EEF1AKMT2: variants seen among roughly 807,000 people sequenced by gnomAD.
EEF1AKMT2 encodes eukaryotic translation elongation factor 1 alpha lysine methyltransferase 2.
EEF1AKMT2 carries 32 observed loss-of-function variants against 35.8 expected under a neutral mutation model. The ratio of observed to expected loss-of-function variants is 0.89; its 90% CI spans 0.67 to 1.20. The LOEUF (loss-of-function observed/expected upper bound fraction) is 1.20. Among genes scored for constraint, EEF1AKMT2 ranks in the 50% most tolerant of loss-of-function variants. The probability of loss-of-function intolerance (pLI) is 0.00; values close to 1 mark genes in which losing one functional copy is unlikely to be tolerated. For missense variants in EEF1AKMT2, 330 were observed against 347.5 expected, an observed-to-expected ratio of 0.95 and a Z score of 0.40; for synonymous variants, 121 against 133.7, an observed-to-expected ratio of 0.91 and a Z score of 0.65.
In EEF1AKMT2 at chr10:124,760,508, C is replaced by T; in HGVS notation, c.*-5G>A. 1.2e-6 allele frequency: 2 copies of T among 1,611,664 alleles called. No individual in the cohort carries two copies. Among genetic ancestry groups the T allele is most frequent in the Non-Finnish European group, 1.7e-6 (2 of 1,178,110 alleles). On this transcript the variant is annotated splice_region_variant and splice_polypyrimidine_tract_variant and intron_variant, in intron 6 of 6. Transcript: ENST00000368836. ...GCTCTTCGAGAAGTTCAAATCCTGT[C>T]AGACAAAATTTAAATACTTTTATTA... is the stretch of plus-strand genomic sequence containing the variant.
downstream of EEF1AKMT2, among the ~76,000 whole-genome samples, chr10:124,757,166 C>CACACACACA (rs1950292934): frequency 7.0e-5 from 10 of 143,174 alleles, no homozygotes; most frequent in South Asian, 2.2e-4. Context: ...ACACTCCCTC[C>CACACACACA]CACACACACA....
chr10:124,782,346 G>T (rs1950547188), intron 3 of EEF1AKMT2, among the ~76,000 whole-genome samples: 1 of 152,004 alleles, frequency 6.6e-6, no homozygotes, highest in South Asian at 2.1e-4. Flanking sequence ...ACTTTGGGAG[G>T]CCGAGGCGGG....
At chr10:124,768,443 C>A (rs1229888030) in intron 4 of EEF1AKMT2, among the ~76,000 whole-genome samples, 1 of 151,998 alleles carries the variant, frequency 6.6e-6, no homozygotes, top group African/African-American at 2.4e-5. Flanking sequence ...ACCCGGTCTC[C>A]ACTAAAAATA....
At chr10:124,756,605 CTT>C (rs34238639), downstream of EEF1AKMT2, among the ~76,000 whole-genome samples, 2 of 152,174 alleles carry the variant, frequency 1.3e-5, no homozygotes, top group African/African-American at 4.8e-5. Flanking sequence ...CTCAAGCTCT[CTT>C]TTTTCCTGGT....
At chr10:124,779,582 T>C (rs1950519050) in intron 3 of EEF1AKMT2, among the ~76,000 whole-genome samples, 1 of 141,480 alleles carries the variant, frequency 7.1e-6, no homozygotes, top group Admixed American at 7.0e-5. Context: ...CCGTCTCTAC[T>C]AAAAAAATAC....
At chr10:124,785,953 G>A (rs1000690163) in intron 3 of EEF1AKMT2, among the ~76,000 whole-genome samples, 1 of 150,700 alleles carries the variant, frequency 6.6e-6, no homozygotes, top group Non-Finnish European at 1.5e-5. Flanking sequence ...CTGAAAAGGT[G>A]CTCAACATCA....
At chr10:124,785,789 A>G (rs901499832) in intron 3 of EEF1AKMT2, among the ~76,000 whole-genome samples, 2 of 150,314 alleles carry the variant, frequency 1.3e-5, no homozygotes, top group African/African-American at 4.9e-5. Context: ...CCATCTACTC[A>G]GGAGGCTGAG....
chr10:124,767,222 A>G (rs1435799296), intron 4 of EEF1AKMT2, among the ~76,000 whole-genome samples: 2 of 149,994 alleles, frequency 1.3e-5, no homozygotes, highest in Non-Finnish European at 3.0e-5. Flanking sequence ...ATGAAAACAT[A>G]CCTTATATTG....
chr10:124,763,783 A>C (rs1408917528), intron 5 of EEF1AKMT2, among the ~76,000 whole-genome samples: 1 of 152,156 alleles, frequency 6.6e-6, no homozygotes, highest in East Asian at 1.9e-4. Flanking sequence ...CCAGGAAAGA[A>C]ACTTGCCCTA....
chr10:124,762,328 A>G lies in EEF1AKMT2; in HGVS notation c.847T>C (p.Tyr283His). The G allele has an allele frequency of 8.3e-7, 1 of 1,201,774 alleles. No individual in the cohort carries two copies. Among genetic ancestry groups the G allele is most frequent in the Non-Finnish European group, 1.1e-6 (1 of 923,494 alleles). 74.4% of individuals were successfully genotyped at this position (1,201,774 alleles called of 1,614,324 possible). A position where few individuals can be genotyped will look rare whatever the true frequency, so the allele number is the denominator to read the frequency against. The change falls in exon 6 of 7, where the codon TAC (tyrosine) becomes CAC (histidine). Residue 283 changes from tyrosine to histidine, a missense_variant. By Grantham distance (83) the Tyr-to-His change is moderately conservative (BLOSUM62 2). Coordinates refer to ENST00000368836, the MANE Select transcript of EEF1AKMT2 (RefSeq NM_212554.4). ...PTWPPKVLGL[Y>H]HARPSLAF ...AATGCCAACGAGGGCCTGGCATGGT[A>G]TAATCCCAGCACTTTGGGAGGCCAG... is the stretch of plus-strand genomic sequence containing the variant.
At chr10:124,756,515 A>C (rs189989153), downstream of EEF1AKMT2, among the ~76,000 whole-genome samples, 1 of 152,358 alleles carries the variant, frequency 6.6e-6, no homozygotes, top group African/African-American at 2.4e-5. Context: ...GACAGCTCAA[A>C]ATTCAGCTAG....
intron 6 of EEF1AKMT2, 136 bp downstream of exon 6, chr10:124,762,164 C>A: frequency 1.7e-6 from 1 of 599,886 alleles, no homozygotes; most frequent in Non-Finnish European, 2.2e-6. Flanking sequence ...AACGCCAATG[C>A]GCCACCCCAC....
chr10:124,790,202 G>A (rs890882821), intron 2 of EEF1AKMT2, 71 bp downstream of exon 2: 13 of 1,232,828 alleles, frequency 1.1e-5, no homozygotes, highest in African/African-American at 1.5e-5. Context: ...GAATATATAC[G>A]TATTTTTTTA....
At chr10:124,770,965 C>G (rs1950427979) in intron 4 of EEF1AKMT2, among the ~76,000 whole-genome samples, 1 of 152,204 alleles carries the variant, frequency 6.6e-6, no homozygotes, top group Admixed American at 6.5e-5. Flanking sequence ...AATCTTGAAC[C>G]TCTCTCCAAG....
intron 3 of EEF1AKMT2, among the ~76,000 whole-genome samples, chr10:124,780,361 T>G (rs1305345457): frequency 6.6e-6 from 1 of 152,132 alleles, no homozygotes; most frequent in Admixed American, 6.6e-5. Flanking sequence ...AAATTCACAT[T>G]GTGAAAAACC....
At position 124,768,755 on chromosome 10, in the gene EEF1AKMT2, A is replaced by G. The variant is rs1202814134; in HGVS notation, c.400-3147T>C. Among the ~76,000 whole-genome samples, 6 of 151,934 alleles carry G rather than the reference A, an allele frequency of 3.9e-5. 1 individual carries two copies. Among genetic ancestry groups the G allele is most frequent in the Admixed American group, 3.9e-4 (6 of 15,238 alleles). ...ACAGAAAAAGCCTCCGTCTCAAAAA[A>G]TAACAAAGAAAAAATCACTCTGGCT... On this transcript the variant is annotated intron_variant, in intron 4 of 6. Transcript: ENST00000368836.
chr10:124,772,296 T>C (rs1950443234), intron 4 of EEF1AKMT2, among the ~76,000 whole-genome samples: 1 of 152,158 alleles, frequency 6.6e-6, no homozygotes, highest in African/African-American at 2.4e-5. Flanking sequence ...TGGAAATCTG[T>C]GTGTTGTTTA....
chr10:124,756,434 T>C (rs767616121), downstream of EEF1AKMT2, among the ~76,000 whole-genome samples: 35 of 152,228 alleles, frequency 2.3e-4, no homozygotes, highest in Non-Finnish European at 3.8e-4. Flanking sequence ...CAGGATAGGA[T>C]ATTGATACAT....
downstream of EEF1AKMT2, among the ~76,000 whole-genome samples, chr10:124,756,979 G>C (rs1346253996): frequency 6.6e-6 from 1 of 152,100 alleles, no homozygotes; most frequent in South Asian, 2.1e-4. Context: ...CTTCTTCTAT[G>C]GACATCTCTG....
Sources: gnomAD v4.1 joint callset for allele counts (sites outside exome capture counted in the v4.1 genomes callset) on GRCh38, gnomAD v4.1.1 for gene constraint, MANE v1.5 for transcripts, NCBI Gene and HGNC (gene_info 2026-07-23, HGNC 2026-07-21) for gene names.